The following CTNNB1 variants were observed in gnomAD, a reference collection of about 807,000 sequenced individuals.
CTNNB1 encodes the protein catenin beta 1.
A neutral mutation model predicts 82.5 loss-of-function variants in CTNNB1; 6 were observed. The observed-to-expected ratio is 0.07, with a 90% CI of 0.04 to 0.14. CTNNB1 has a LOEUF of 0.14. Among genes scored for constraint, CTNNB1 ranks in the 10% least tolerant of loss-of-function variants. The probability of loss-of-function intolerance (pLI) is 1.00; values close to 1 mark genes in which losing one functional copy is unlikely to be tolerated. For synonymous variants in CTNNB1, 312 were observed against 329.7 expected, an observed-to-expected ratio of 0.95 and a Z score of 0.58; for missense variants, 529 against 980.4, an observed-to-expected ratio of 0.54 and a Z score of 6.15.
intron 1 of CTNNB1, among the ~76,000 whole-genome samples, chr3:41,208,246 T>G (rs575819175): frequency 2.6e-5 from 4 of 152,326 alleles, no homozygotes; most frequent in African/African-American, 9.6e-5. Flanking sequence ...ACTGTTTAGC[T>G]TACTTTTTTT....
Position 41,236,688 on chromosome 3 carries a change from A to G in CTNNB1, c.2055A>G (p.Thr685=). 6.2e-7 allele frequency: 1 copy of G among 1,614,170 alleles called. No individual in the cohort carries two copies. The highest frequency in any genetic ancestry group is 8.5e-7 in the Non-Finnish European group (1 of 1,179,992). The change falls in exon 13 of 15, where the codon ACA becomes ACG. Residue 685 remains threonine, a synonymous_variant. Transcript: ENST00000349496. Reference sequence around the variant, plus strand: ...AGCTGACCAGCTCTCTCTTCAGAACAGAGCCAATGGCTTGGAATGAGGTAG... The same window carrying G: ...AGCTGACCAGCTCTCTCTTCAGAACGGAGCCAATGGCTTGGAATGAGGTAG... ...SVELTSSLFR[T]EPMAWNETAD...
intron 1 of CTNNB1, among the ~76,000 whole-genome samples, chr3:41,204,840 G>A (rs1476732738): frequency 6.6e-6 from 1 of 152,210 alleles, no homozygotes; most frequent in Non-Finnish European, 1.5e-5. Flanking sequence ...GACTGGTTCT[G>A]TGAATGTACA....
At chr3:41,203,105 T>G (rs565363960) in intron 1 of CTNNB1, among the ~76,000 whole-genome samples, 13 of 150,240 alleles carry the variant, frequency 8.7e-5, no homozygotes, top group African/African-American at 3.2e-4. Flanking sequence ...TCTCCAAGTT[T>G]CCCTCAAGCC....
At chr3:41,207,414 C>A (rs1371536242) in intron 1 of CTNNB1, among the ~76,000 whole-genome samples, 1 of 152,164 alleles carries the variant, frequency 6.6e-6, no homozygotes, top group Non-Finnish European at 1.5e-5. Flanking sequence ...CTGAAAAGAT[C>A]TAAGACAGAA....
In CTNNB1 at chr3:41,234,272, T is replaced by C. The variant is rs1328515384; in HGVS notation, c.1658T>C (p.Met553Thr). Residue 553 changes from methionine to threonine, a missense_variant, in exon 10 of 15, where the codon ATG becomes ACG. By Grantham distance (81) the Met-to-Thr change is moderately conservative. Transcript: ENST00000349496. ...AHQDTQRRTS[M>T]GGTQQQFVEG... ...CAGGATACCCAGCGCCGTACGTCCATGGGTGGGACACAGCAGCAATTTGTG... is the reference window on the plus strand; with the variant it reads ...CAGGATACCCAGCGCCGTACGTCCACGGGTGGGACACAGCAGCAATTTGTG... 1.2e-6 allele frequency: 2 copies of C among 1,614,204 alleles called. No homozygotes were observed. Among genetic ancestry groups the C allele is most frequent in the Non-Finnish European group, 1.7e-6 (2 of 1,180,030 alleles).
At chr3:41,209,357 C>T (rs2077724157) in intron 1 of CTNNB1, among the ~76,000 whole-genome samples, 1 of 152,172 alleles carries the variant, frequency 6.6e-6, no homozygotes, top group African/African-American at 2.4e-5. Flanking sequence ...AGAAGCTTCT[C>T]AAACTAAACT....
chr3:41,239,084 C>G (rs1218705159), intron 14 of CTNNB1, 50 bp from the exon 15 acceptor site: 11 of 1,474,244 alleles, frequency 7.5e-6, no homozygotes, highest in Non-Finnish European at 9.5e-6. Flanking sequence ...TCTCTCCTCT[C>G]TCTTTTGCCT....
rs892189653 is a variant in CTNNB1, at chr3:41,225,262, G to A, written c.495+55G>A. 6.8e-6 allele frequency: 11 copies of A among 1,613,698 alleles called. No homozygotes were observed. In the Admixed American group the frequency reaches 1.8e-4, roughly 27 times the overall value. On this transcript the variant is annotated intron_variant, in intron 4 of 14. Coordinates refer to ENST00000349496, the MANE Select transcript of CTNNB1 (RefSeq NM_001904.4). The surrounding 1 kb of genome is among the most constrained non-coding windows in gnomAD (Gnocchi z 5.3). Reference sequence around the variant, plus strand: ...CTGCTTTGAAGTAAATGCTCAAGGGGAGTAGTTTCAGAATGTCTACCCAAT... The same window carrying A: ...CTGCTTTGAAGTAAATGCTCAAGGGAAGTAGTTTCAGAATGTCTACCCAAT...
chr3:41,229,962 A>G lies in CTNNB1; in HGVS notation c.1081+2610A>G, dbSNP rs78659580. On this transcript the variant is annotated intron_variant, in intron 7 of 14. Coordinates refer to ENST00000349496, the MANE Select transcript of CTNNB1 (RefSeq NM_001904.4). ...GCATTTTTTCTCCTTTCAGTAACCC[A>G]CCTAACAACATTTACTCAGAATTTC... Among the ~76,000 whole-genome samples, 1,150 of 151,844 alleles carry G rather than the reference A, an allele frequency of 7.6e-3. 23 individuals carry two copies. The highest frequency in any genetic ancestry group is 0.026 in the African/African-American group (1,088 of 41,350).
intron 7 of CTNNB1, chr3:41,233,121 G>GA: frequency 1.6e-6 from 1 of 610,986 alleles, no homozygotes; most frequent in South Asian, 2.0e-5. Flanking sequence ...CTTAGGAAAG[G>GA]AACAGTAGCT....
chr3:41,220,116 GAGGA>G (rs1193567219), intron 1 of CTNNB1, among the ~76,000 whole-genome samples: 7 of 152,018 alleles, frequency 4.6e-5, no homozygotes, highest in African/African-American at 1.7e-4. Context: ...ATTTATGGCT[GAGGA>G]AGGAAGACAG....
intron 7 of CTNNB1, among the ~76,000 whole-genome samples, chr3:41,227,683 G>C (rs566842059): frequency 1.3e-5 from 2 of 152,300 alleles, no homozygotes; most frequent in South Asian, 4.1e-4. Context: ...ATATAGTACA[G>C]TTTTATGTAA....
At chr3:41,201,260 C>CAT (rs1234462271) in intron 1 of CTNNB1, among the ~76,000 whole-genome samples, 4 of 152,116 alleles carry the variant, frequency 2.6e-5, no homozygotes, top group Non-Finnish European at 5.9e-5. Context: ...AAATTATTGA[C>CAT]ATAAATTTCT....
At chr3:41,227,989 C>T (rs1478116802) in intron 7 of CTNNB1, among the ~76,000 whole-genome samples, 2 of 152,074 alleles carry the variant, frequency 1.3e-5, no homozygotes, top group Non-Finnish European at 2.9e-5. Flanking sequence ...TTTTCTATTC[C>T]TATGTTAGTT....
rs765722646 is a variant in CTNNB1 at position 41,225,379 on chromosome 3, A to C, written c.541A>C (p.Lys181Gln). ...AGTTATGGTCCATCAGCTTTCTAAA[A>C]AGGAAGCTTCCAGACACGCTATCAT... ...AAVMVHQLSK[K>Q]EASRHAIMRS... is the part of the protein sequence containing the mutation. The change falls in exon 5 of 15, where the codon AAG (lysine) becomes CAG (glutamine). Residue 181 changes from lysine to glutamine, a missense_variant. Lys to Gln is a moderately conservative substitution (Grantham distance 53). Around this residue, in one of 4 missense-constraint regions of CTNNB1, gnomAD observed 411 missense variants for 776.4 expected, o/e 0.53. Transcript: ENST00000349496. This position sits in a 1 kb window ranked among gnomAD's most constrained non-coding sequence, Gnocchi z 5.3. The C allele has an allele frequency of 6.2e-7, 1 of 1,614,000 alleles. No individual in the cohort carries two copies. Among genetic ancestry groups the C allele is most frequent in the Non-Finnish European group, 8.5e-7 (1 of 1,179,968 alleles).
chr3:41,229,567 A>G (rs965270943), intron 7 of CTNNB1, among the ~76,000 whole-genome samples: 2 of 152,062 alleles, frequency 1.3e-5, no homozygotes, highest in African/African-American at 4.8e-5. Flanking sequence ...TATATCCTGA[A>G]ACTTTGCTGA....
At chr3:41,238,132 T>G (rs368560830) in intron 14 of CTNNB1, 56 bp downstream of exon 14, 9 of 1,509,318 alleles carry the variant, frequency 6.0e-6, no homozygotes, top group Non-Finnish European at 7.4e-6. Flanking sequence ...TCTAAAACTT[T>G]TATCAGAAGA....
chr3:41,222,041 T>C (rs541411589), intron 1 of CTNNB1: 1 of 152,274 alleles, frequency 6.6e-6, no homozygotes, highest in Non-Finnish European at 1.5e-5. Flanking sequence ...AGTTTCAAGT[T>C]TTATCTCAGT....
At chr3:41,224,200 G>T (rs897821969) in intron 2 of CTNNB1, 119 bp downstream of exon 2, 1 of 1,284,536 alleles carries the variant, frequency 7.8e-7, no homozygotes, top group African/African-American at 1.5e-5. Flanking sequence ...GCTACCTTTT[G>T]CTCCATTTTC....
Sources: allele counts gnomAD v4.1 joint callset (sites outside exome capture counted in the v4.1 genomes callset), GRCh38; gene constraint gnomAD v4.1.1; regional missense constraint gnomAD v4.1.1; non-coding constraint Gnocchi (gnomAD v3.1); transcripts MANE v1.5; gene names NCBI Gene and HGNC (gene_info 2026-07-23, HGNC 2026-07-21).